The following NALCN variants were observed in gnomAD, a reference collection of about 807,000 sequenced individuals.
The protein encoded by NALCN is sodium leak channel, non-selective.
NALCN carries 111 observed loss-of-function variants against 225.3 expected under a neutral mutation model. That is an observed-to-expected ratio of 0.49 (90% CI 0.42 to 0.58). The LOEUF (loss-of-function observed/expected upper bound fraction) is 0.58. NALCN is among the 20% of genes least tolerant of loss of function. NALCN has a pLI of 0.00. For synonymous variants in NALCN, 764 were observed against 769.0 expected (o/e 0.99, Z 0.11); for missense variants, 1,378 against 2,202.4 (o/e 0.63, Z 7.49).
At chr13:101,408,167 A>C (rs1174826279) in intron 1 of NALCN, among the ~76,000 whole-genome samples, 1 of 152,178 alleles carries the variant, frequency 6.6e-6, no homozygotes, top group Non-Finnish European at 1.5e-5. Context: ...AGTCTTTGTA[A>C]ATAGAACAGT....
At chr13:101,332,921 A>G (rs548418171) in intron 7 of NALCN, among the ~76,000 whole-genome samples, 56 of 152,352 alleles carry the variant, frequency 3.7e-4, no homozygotes, top group African/African-American at 1.3e-3. Flanking sequence ...ACATGGCTGT[A>G]AGAACTACTA....
chr13:101,160,121 A>AT lies in NALCN; in HGVS notation c.1840-15226dup, dbSNP rs532531044. Among the ~76,000 whole-genome samples, 953 of 151,944 alleles carry AT rather than the reference A, an allele frequency of 6.3e-3. 5 individuals carry two copies. The highest frequency in any genetic ancestry group is 0.011 in the Non-Finnish European group (746 of 67,952). On this transcript the variant is annotated intron_variant, in intron 15 of 43. Transcript: ENST00000251127. ...AGGTACACACCACCATGCCTGACTA[A>AT]TTTTTTGTATTTTTAGTAGAGACAG...
chr13:101,288,269 A>G (rs1454840395), intron 9 of NALCN, among the ~76,000 whole-genome samples: 6 of 152,202 alleles, frequency 3.9e-5, no homozygotes, highest in Non-Finnish European at 7.3e-5. Context: ...GCATTAATTG[A>G]ATTGTTTTCT....
intron 11 of NALCN, among the ~76,000 whole-genome samples, chr13:101,240,633 C>T (rs1054598174): frequency 6.6e-6 from 1 of 152,004 alleles, no homozygotes; most frequent in Admixed American, 6.6e-5. Context: ...TTGCTAAATA[C>T]AAAATGGTAA....
chr13:101,415,347 C>T (rs929180718), intron 1 of NALCN, among the ~76,000 whole-genome samples: 3 of 151,996 alleles, frequency 2.0e-5, no homozygotes, highest in African/African-American at 7.2e-5. Context: ...CCAGGGCAGT[C>T]GGGCCTAGCT....
rs551475995 is a variant in NALCN at position 101,177,550 on chromosome 13, T to G, written c.1765-1176A>C. Among the ~76,000 whole-genome samples the G allele has an allele frequency of 3.3e-5, 5 of 151,896 alleles. No individual in the cohort carries two copies. The South Asian group carries it at 1.0e-3, about 32-fold the overall frequency. ...TGGAGTAATACAATTTTTCCTCTTTTAAAAAATGTTATGATTTTCTCAGTT... is the reference window on the plus strand; with the variant it reads ...TGGAGTAATACAATTTTTCCTCTTTGAAAAAATGTTATGATTTTCTCAGTT... On this transcript the variant is annotated intron_variant, in intron 14 of 43. Coordinates refer to ENST00000251127, the MANE Select transcript of NALCN (RefSeq NM_052867.4).
intron 17 of NALCN, among the ~76,000 whole-genome samples, chr13:101,138,948 T>C (rs1049005691): frequency 3.9e-5 from 6 of 152,116 alleles, no homozygotes; most frequent in Non-Finnish European, 8.8e-5. Flanking sequence ...CCTCTCACAA[T>C]TGCTCACAGG....
chr13:101,176,419 GTATCAAAA>G (rs1222451785), intron 14 of NALCN, 45 bp from the exon 15 acceptor site: 12 of 1,429,368 alleles, frequency 8.4e-6, no homozygotes, highest in Non-Finnish European at 1.1e-5. Flanking sequence ...CATGCCATAA[GTATCAAAA>G]TATTATATGT....
chr13:101,102,917 G>A (rs527637007), intron 26 of NALCN, among the ~76,000 whole-genome samples: 1 of 152,274 alleles, frequency 6.6e-6, no homozygotes, highest in African/African-American at 2.4e-5. Context: ...GGTTAGTACC[G>A]AAAGAGTCAG....
At chr13:101,383,241 TA>T (rs1389515459) in intron 3 of NALCN, among the ~76,000 whole-genome samples, 2 of 152,200 alleles carry the variant, frequency 1.3e-5, no homozygotes, top group Non-Finnish European at 2.9e-5. Context: ...TCAGCTCATG[TA>T]TATAAATAAT....
intron 18 of NALCN, chr13:101,116,433 A>G (rs2035713538): frequency 4.5e-6 from 2 of 447,342 alleles, no homozygotes; most frequent in African/African-American, 4.1e-5. Context: ...TGGCCCAAAG[A>G]TTATGGTTAT....
intron 18 of NALCN, among the ~76,000 whole-genome samples, chr13:101,118,340 A>C (rs892346331): frequency 8.5e-5 from 13 of 152,210 alleles, no homozygotes; most frequent in African/African-American, 3.1e-4. Context: ...TTTGGGCTTA[A>C]CTAAAAACAA....
At chr13:101,345,749 T>TATAC (rs1415877827) in intron 6 of NALCN, among the ~76,000 whole-genome samples, 1 of 116,678 alleles carries the variant, frequency 8.6e-6, no homozygotes, top group Non-Finnish European at 1.7e-5. Context: ...TATATATATA[T>TATAC]ATATATATAT....
At chr13:101,290,418 G>A (rs61973665) in intron 9 of NALCN, among the ~76,000 whole-genome samples, 40 of 152,310 alleles carry the variant, frequency 2.6e-4, no homozygotes, top group Non-Finnish European at 4.1e-4. Context: ...CTGCCACCTC[G>A]GAATGGACCG....
In NALCN at chr13:101,058,050, T is replaced by G; in HGVS notation, c.4912A>C (p.Ser1638Arg). The G allele has an allele frequency of 1.9e-6, 3 of 1,612,408 alleles. No homozygotes were observed. Among genetic ancestry groups the G allele is most frequent in the Non-Finnish European group, 2.5e-6 (3 of 1,179,794 alleles). Residue 1638 changes from serine to arginine, a missense_variant, in exon 43 of 44, where the codon AGC becomes CGC. Transcript: ENST00000251127. ...GTGGGGCTCAGGAGCTGCTGCTGGCTGCTTGTCTGCATGGGAGGAGAAGCA... is the reference window on the plus strand; with the variant it reads ...GTGGGGCTCAGGAGCTGCTGCTGGCGGCTTGTCTGCATGGGAGGAGAAGCA... ...QDNSMQPETSSQQQLLSPTLS... is the reference protein window; with the variant it reads ...QDNSMQPETSRQQQLLSPTLS...
At chr13:101,302,448 G>A (rs2044006558) in intron 7 of NALCN, among the ~76,000 whole-genome samples, 2 of 152,088 alleles carry the variant, frequency 1.3e-5, no homozygotes, top group Non-Finnish European at 2.9e-5. Context: ...TAAAAAATCC[G>A]ATTAGGTCTA....
chr13:101,233,339 A>T (rs1409926976), intron 12 of NALCN, among the ~76,000 whole-genome samples: 1 of 139,938 alleles, frequency 7.1e-6, no homozygotes, highest in East Asian at 2.1e-4. Flanking sequence ...CTTGGGAAGA[A>T]TTTTTTTTTT....
At chr13:101,344,722 T>C (rs1351265415) in intron 7 of NALCN, among the ~76,000 whole-genome samples, 1 of 152,220 alleles carries the variant, frequency 6.6e-6, no homozygotes, top group East Asian at 1.9e-4. Context: ...AAGAAGAATG[T>C]ACACATTTGA....
chr13:101,182,607 G>C (rs757939521), intron 14 of NALCN, among the ~76,000 whole-genome samples: 3 of 152,164 alleles, frequency 2.0e-5, no homozygotes, highest in Non-Finnish European at 4.4e-5. Context: ...TGTGTGGTAG[G>C]GGGCTTGGGT....
Sources: allele counts gnomAD v4.1 joint callset (sites outside exome capture counted in the v4.1 genomes callset), GRCh38; gene constraint gnomAD v4.1.1; transcripts MANE v1.5; gene names NCBI Gene and HGNC (gene_info 2026-07-23, HGNC 2026-07-21).